Variants in PTPRB observed in about 807,000 individuals in gnomAD.
PTPRB encodes the protein receptor-type tyrosine-protein phosphatase beta.
PTPRB carries 97 observed loss-of-function variants against 238.1 expected under a neutral mutation model. The ratio of observed to expected loss-of-function variants is 0.41; its 90% CI spans 0.35 to 0.48. PTPRB has a LOEUF of 0.48. Among genes scored for constraint, PTPRB ranks in the 20% least tolerant of loss-of-function variants. PTPRB has a pLI of 0.30. For synonymous variants in PTPRB, 970 were observed against 995.4 expected (o/e 0.97, Z 0.48); for missense variants, 2,292 against 2,681.9 (o/e 0.85, Z 3.21).
chr12:70,559,388 A>G lies in PTPRB; in HGVS notation c.4669T>C (p.Ser1557Pro). Residue 1557 changes from serine to proline, a missense_variant, in exon 18 of 34, where the codon TCC becomes CCC. Transcript: ENST00000334414. ...ATTGGTTTGCTGTAAGTTTTCCAGG[A>G]ATCACCACTGACAGTCTTGACGTTG... ...QFNVKTVSGD[S>P]WKTYSKPIFG... The G allele has an allele frequency of 1.2e-6, 2 of 1,613,918 alleles. No homozygotes were observed. The highest frequency in any genetic ancestry group is 1.7e-6 in the Non-Finnish European group (2 of 1,179,796).
chr12:70,529,182 G>A (rs1872817086), intron 32 of PTPRB, among the ~76,000 whole-genome samples: 1 of 152,126 alleles, frequency 6.6e-6, no homozygotes, highest in African/African-American at 2.4e-5. Context: ...AGGAGGAAAA[G>A]GAGAACAGAA....
At chr12:70,556,375 G>A (rs1877683622) in intron 18 of PTPRB, among the ~76,000 whole-genome samples, 1 of 152,102 alleles carries the variant, frequency 6.6e-6, no homozygotes, top group Non-Finnish European at 1.5e-5. Flanking sequence ...CTGAGTAACA[G>A]TTAAAGAATG....
chr12:70,590,102 G>A lies in PTPRB; in HGVS notation c.1912C>T (p.Leu638Phe), dbSNP rs373568251. 2.5e-6 allele frequency: 4 copies of A among 1,613,894 alleles called. No individual in the cohort carries two copies. The highest frequency in any genetic ancestry group is 2.2e-5 in the East Asian group (1 of 44,870). The change falls in exon 8 of 34, where the codon CTC becomes TTC. Residue 638 changes from leucine to phenylalanine, a missense_variant. Transcript: ENST00000334414. Reference sequence around the variant, plus strand: ...TCTTCCTTTCCCACAGTGATGTTGAGCAGCACCACAGAATCATTGAAGAGT... The same window carrying A: ...TCTTCCTTTCCCACAGTGATGTTGAACAGCACCACAGAATCATTGAAGAGT... ...ILLFNDSVVL[L>F]NITVGKEETQ...
At chr12:70,554,841 A>G (rs1877407440) in intron 20 of PTPRB, among the ~76,000 whole-genome samples, 1 of 152,204 alleles carries the variant, frequency 6.6e-6, no homozygotes, top group African/African-American at 2.4e-5. Context: ...AAGGCATTAC[A>G]TGCAATGCAC....
At chr12:70,599,251 AAG>A (rs1883279177) in intron 4 of PTPRB, among the ~76,000 whole-genome samples, 2 of 152,154 alleles carry the variant, frequency 1.3e-5, no homozygotes, top group Admixed American at 1.3e-4. Context: ...TATATGGAGA[AAG>A]AGAAAATTTT....
chr12:70,572,775 T>TAAAAAAAAAAAAAAAAAAAAAAAAA (rs10709963), intron 11 of PTPRB, among the ~76,000 whole-genome samples: 1 of 93,968 alleles, frequency 1.1e-5, no homozygotes, highest in Non-Finnish European at 2.4e-5. Context: ...CTCCATCTCA[T>TAAAAAAAAAAAAAAAAAAAAAAAAA]AAAAAAAAAA....
chr12:70,587,992 A>T (rs1434046549), intron 8 of PTPRB, among the ~76,000 whole-genome samples: 2 of 149,338 alleles, frequency 1.3e-5, no homozygotes, highest in Non-Finnish European at 3.0e-5. Flanking sequence ...TCTCAGCGGG[A>T]GGCTGAGGCA....
chr12:70,539,719 A>G lies in PTPRB; in HGVS notation c.5697-13T>C, dbSNP rs543792697. ...TATTTTTATTGGACTGTAATTAAAA[A>G]TGAAACAAACAGAAAAGAGTTACTG... On this transcript the variant is annotated splice_polypyrimidine_tract_variant and intron_variant, in intron 25 of 33. Transcript: ENST00000334414. The G allele has an allele frequency of 5.0e-6, 8 of 1,604,712 alleles. No homozygotes were observed. The African/African-American group carries it at 6.7e-5, about 13-fold the overall frequency.
chr12:70,601,616 T>G (rs1480442205), intron 4 of PTPRB, among the ~76,000 whole-genome samples: 1 of 152,046 alleles, frequency 6.6e-6, no homozygotes, highest in South Asian at 2.1e-4. Flanking sequence ...ACTATTCATA[T>G]GAAATAATTG....
intron 32 of PTPRB, among the ~76,000 whole-genome samples, chr12:70,528,996 A>C (rs761569716): frequency 6.6e-6 from 1 of 151,930 alleles, no homozygotes; most frequent in Non-Finnish European, 1.5e-5. Context: ...GCGGGCATTT[A>C]CATGTATGCG....
At chr12:70,575,547 A>T (rs1403126989) in intron 11 of PTPRB, among the ~76,000 whole-genome samples, 2 of 152,128 alleles carry the variant, frequency 1.3e-5, no homozygotes, top group African/African-American at 2.4e-5. Flanking sequence ...TTTGCCAAGT[A>T]TTTACTGAGT....
chr12:70,587,153 C>T lies in PTPRB; in HGVS notation c.2165G>A (p.Arg722Lys). The T allele has an allele frequency of 6.2e-7, 1 of 1,613,880 alleles. No individual in the cohort carries two copies. The highest frequency in any genetic ancestry group is 8.5e-7 in the Non-Finnish European group (1 of 1,179,836). The part of the protein sequence containing the change: ...WEKYIISLAD[R>K]DLLLIHKSLS... ...TGACTTGTGGATCAGTAAGAGGTCT[C>T]TGTCAGCTAGGGAAATGATGTATTT... The change falls in exon 9 of 34, where the codon AGA (arginine) becomes AAA (lysine). Residue 722 changes from arginine to lysine, a missense_variant. Arg to Lys is a conservative substitution (Grantham distance 26). This residue lies in a region of PTPRB where 1,205 missense variants were observed against 1,287.8 expected (regional missense o/e 0.94). Transcript: ENST00000334414.
chr12:70,601,790 CTTTTTTTT>C (rs200227553), intron 4 of PTPRB, among the ~76,000 whole-genome samples: 3 of 127,540 alleles, frequency 2.4e-5, no homozygotes, highest in Non-Finnish European at 3.3e-5. Flanking sequence ...TTTCTTTTTT[CTTTTTTTT>C]TTTTTTTTTT....
chr12:70,561,059 T>A, intron 16 of PTPRB, 125 bp from the exon 17 acceptor site: 1 of 999,208 alleles, frequency 1.0e-6, no homozygotes, highest in Non-Finnish European at 1.5e-6. Flanking sequence ...AGATCTTGCC[T>A]ACATTTCAGG....
At chr12:70,540,566 C>T (rs1874911115) in intron 23 of PTPRB, 4 of 286,078 alleles carry the variant, frequency 1.4e-5, no homozygotes, top group South Asian at 4.7e-5. Flanking sequence ...ATGAACCACA[C>T]ACACACACAA....
intron 20 of PTPRB, among the ~76,000 whole-genome samples, chr12:70,553,311 C>G (rs546846844): frequency 1.3e-5 from 2 of 152,308 alleles, no homozygotes; most frequent in South Asian, 4.1e-4. Flanking sequence ...GAGCATGTCT[C>G]ACAACTCCAG....
At chr12:70,576,035 A>C (rs1332442210) in intron 11 of PTPRB, among the ~76,000 whole-genome samples, 1 of 152,148 alleles carries the variant, frequency 6.6e-6, no homozygotes, top group African/African-American at 2.4e-5. Flanking sequence ...GACCTCCCTG[A>C]ACCTTGGTTT....
chr12:70,528,650 TAAAC>T (rs772558965), intron 32 of PTPRB, among the ~76,000 whole-genome samples: 4 of 152,194 alleles, frequency 2.6e-5, no homozygotes, highest in East Asian at 3.9e-4. Context: ...CCCACGTAAA[TAAAC>T]AAACAAAAAA....
rs1871457191 is a variant in PTPRB at position 70,519,587 on chromosome 12, A to C, written c.*1902T>G. ...CCTTCCAAGCATTAATGTGCTTTGC[A>C]TCAAGCAACATTAGTGTAAAATTCT... On this transcript the variant is annotated 3_prime_UTR_variant, in exon 34 of 34. Coordinates refer to ENST00000334414, the MANE Select transcript of PTPRB (RefSeq NM_001109754.4). 1 of 152,272 alleles carries C rather than the reference A, an allele frequency of 6.6e-6. No homozygotes were observed. Among genetic ancestry groups the C allele is most frequent in the Non-Finnish European group, 1.5e-5 (1 of 68,060 alleles). 9.4% of individuals were successfully genotyped at this position (152,272 alleles called of 1,614,324 possible).
Sources: allele counts gnomAD v4.1 joint callset (sites outside exome capture counted in the v4.1 genomes callset), GRCh38; gene constraint gnomAD v4.1.1; regional missense constraint gnomAD v4.1.1; transcripts MANE v1.5; gene names NCBI Gene and HGNC (gene_info 2026-07-23, HGNC 2026-07-21).